The following ERCC6 variants were observed in gnomAD, a reference collection of about 807,000 sequenced individuals.
ERCC6 encodes the protein ERCC excision repair 6, chromatin remodeling factor, also known as DNA excision repair protein ERCC-6.
ERCC6 carries 116 observed loss-of-function variants against 158.7 expected under a neutral mutation model. That is an observed-to-expected ratio of 0.73 (90% confidence interval 0.63 to 0.85). ERCC6 has a LOEUF of 0.85. Among genes scored for constraint, ERCC6 ranks in the 40% least tolerant of loss-of-function variants. The pLI, the probability that ERCC6 is intolerant of heterozygous loss-of-function variation, is 0.00. For synonymous variants in ERCC6, 678 were observed against 659.3 expected (o/e 1.03, Z -0.43); for missense variants, 1,698 against 1,799.4 (o/e 0.94, Z 1.02).
At chr10:49,533,809 T>C (rs2132641590) in intron 1 of ERCC6, among the ~76,000 whole-genome samples, 1 of 151,850 alleles carries the variant, frequency 6.6e-6, no homozygotes, top group Admixed American at 6.6e-5. Context: ...TAAAATAAAT[T>C]TAAAGTTTTT....
At chr10:49,517,828 G>C (rs1196873309) in intron 5 of ERCC6, among the ~76,000 whole-genome samples, 2 of 152,106 alleles carry the variant, frequency 1.3e-5, no homozygotes, top group African/African-American at 4.8e-5. Flanking sequence ...ACAGGTATGA[G>C]CCATTGTGCC....
At chr10:49,462,694 A>C (rs1850604474) in intron 18 of ERCC6, among the ~76,000 whole-genome samples, 1 of 152,178 alleles carries the variant, frequency 6.6e-6, no homozygotes, top group Admixed American at 6.5e-5. Context: ...CACAGAAAGA[A>C]AAATTTTTTA....
rs1001638584 is a variant in ERCC6 at position 49,470,576 on chromosome 10, T to C, written c.3384A>G (p.Glu1128=). ...EELSVISGNG[E]CSNSSGTGKT... ...TGCCTGTTCCTGAAGAATTTGAACA[T>C]TCCCCATTTCCACTAATCACTGACA... Residue 1128 remains glutamate, a synonymous_variant, in exon 18 of 21, where the codon GAA becomes GAG. Transcript: ENST00000355832. 1.2e-6 allele frequency: 2 copies of C among 1,614,018 alleles called. No homozygotes were observed. The highest frequency in any genetic ancestry group is 2.2e-5 in the East Asian group (1 of 44,894).
intron 5 of ERCC6, chr10:49,506,608 T>A (rs1459592829): frequency 1.3e-5 from 2 of 152,380 alleles, no homozygotes; most frequent in African/African-American, 4.8e-5. Flanking sequence ...GTTCACTGAA[T>A]AAAATCTAAG....
intron 5 of ERCC6, chr10:49,517,105 T>G: frequency 6.3e-7 from 1 of 1,593,072 alleles, no homozygotes; most frequent in East Asian, 2.3e-5. Context: ...AAACTTAGTG[T>G]TCGAGGCATC....
the ERCC6 span, among the ~76,000 whole-genome samples, chr10:49,441,449 G>A: frequency 1.2e-4 from 18 of 152,314 alleles, no homozygotes; most frequent in East Asian, 3.5e-3. Context: ...ATTCTAAAAT[G>A]CGATTGTTGT....
chr10:49,515,902 C>T, intron 5 of ERCC6: 1 of 1,614,138 alleles, frequency 6.2e-7, no homozygotes, highest in Non-Finnish European at 8.5e-7. Flanking sequence ...TTGCCTTTGC[C>T]ATCAATTCGA....
chr10:49,529,928 T>C (rs1837429859), intron 3 of ERCC6, among the ~76,000 whole-genome samples: 1 of 151,900 alleles, frequency 6.6e-6, no homozygotes, highest in South Asian at 2.1e-4. Flanking sequence ...GTAACAAATA[T>C]TCCCTACCCT....
chr10:49,528,589 A>C, intron 3 of ERCC6, 64 bp from the exon 4 acceptor site: 2 of 1,578,620 alleles, frequency 1.3e-6, no homozygotes, highest in Admixed American at 3.5e-5. Flanking sequence ...AATACAAAAG[A>C]TAGCATTATG....
At chr10:49,448,670 C>A in the ERCC6 span, among the ~76,000 whole-genome samples, 2 of 152,210 alleles carry the variant, frequency 1.3e-5, no homozygotes, top group Non-Finnish European at 2.9e-5. Context: ...CAACCACTAA[C>A]CTACTTCCTG....
In ERCC6 at chr10:49,482,781, A is replaced by G; in HGVS notation, c.2075T>C (p.Ile692Thr). ...CAACGTGCCTAACTTTCCCGGGAAG[A>G]TGAAGTCAAAGAGCGACCACAGCTC... ...LRELWSLFDFIFPGKLGTLPV... is the reference protein window; with the variant it reads ...LRELWSLFDFTFPGKLGTLPV... Residue 692 changes from isoleucine (I) to threonine (T), a missense_variant, in exon 10 of 21, where the codon ATC (isoleucine) becomes ACC (threonine). Ile to Thr is a moderately conservative substitution (Grantham distance 89). Coordinates refer to ENST00000355832, the MANE Select transcript of ERCC6 (RefSeq NM_000124.4). 6.2e-7 allele frequency: 1 copy of G among 1,613,676 alleles called. No homozygotes were observed. Among genetic ancestry groups the G allele is most frequent in the Non-Finnish European group, 8.5e-7 (1 of 1,179,940 alleles).
In ERCC6 at chr10:49,473,536, T is replaced by C. The variant is rs756622786; in HGVS notation, c.2650A>G (p.Lys884Glu). ...GCTATTGTAGTGGTACCATCCATCT[T>C]GAGATAGGTATACTTTTGGGCTCTA... ...FLRAQKYTYLKMDGTTTIASR... is the reference protein window; with the variant it reads ...FLRAQKYTYLEMDGTTTIASR... The change falls in exon 14 of 21, where the codon AAG becomes GAG. Residue 884 changes from lysine to glutamate, a missense_variant. By Grantham distance (56) the Lys-to-Glu change is moderately conservative. Coordinates refer to ENST00000355832, the MANE Select transcript of ERCC6 (RefSeq NM_000124.4). 1 of 1,610,586 alleles carries C rather than the reference T, an allele frequency of 6.2e-7. No homozygotes were observed. The highest frequency in any genetic ancestry group is 2.2e-5 in the East Asian group (1 of 44,764).
rs1453254975 is a variant in ERCC6 at position 49,488,635 on chromosome 10, CCTCT to C, written c.1821+4478_1821+4481del. Among the ~76,000 whole-genome samples, 4 of 147,394 alleles carry C rather than the reference CCTCT, an allele frequency of 2.7e-5. No individual in the cohort carries two copies. In the East Asian group the frequency reaches 5.8e-4, roughly 21 times the overall value. On this transcript the variant is annotated intron_variant, in intron 8 of 20. Coordinates refer to ENST00000355832, the MANE Select transcript of ERCC6 (RefSeq NM_000124.4). Reference sequence around the variant, plus strand: ...TTCAGATGCTTAAGGAATAATGTGGCCTCTTTCTTTTTTTTTTTTTTTTAAAGTT... The same window carrying C: ...TTCAGATGCTTAAGGAATAATGTGGCTTCTTTTTTTTTTTTTTTTAAAGTT...
rs191668529 is a variant in ERCC6 at position 49,521,280 on chromosome 10, G to A, written c.1397+2753C>T. Among the ~76,000 whole-genome samples the A allele has an allele frequency of 6.6e-5, 10 of 152,310 alleles. No homozygotes were observed. The East Asian group carries it at 1.5e-3, about 24-fold the overall frequency. ...ATCTTTATCACCCTGAAGGGGAAAG[G>A]TTCACATGAAATGTTTGGTCTTCTG... On this transcript the variant is annotated intron_variant, in intron 5 of 20. Transcript: ENST00000355832.
At chr10:49,465,529 G>T (rs1175299170) in intron 18 of ERCC6, among the ~76,000 whole-genome samples, 1 of 152,120 alleles carries the variant, frequency 6.6e-6, no homozygotes, top group Non-Finnish European at 1.5e-5. Flanking sequence ...AGGGGCCAGA[G>T]GTGGAAAGAT....
chr10:49,500,775 A>T, intron 6 of ERCC6, 79 bp from the exon 7 acceptor site: 1 of 1,495,552 alleles, frequency 6.7e-7, no homozygotes, highest in South Asian at 1.1e-5. Context: ...AGTACTCATG[A>T]ATTAATCATT....
intron 5 of ERCC6, among the ~76,000 whole-genome samples, chr10:49,511,183 C>A (rs149113739): frequency 6.6e-6 from 1 of 152,250 alleles, no homozygotes; most frequent in East Asian, 1.9e-4. Flanking sequence ...TGGAAAGAAC[C>A]AGGAGCCCTG....
chr10:49,537,083 T>C (rs1837614473), intron 1 of ERCC6, among the ~76,000 whole-genome samples: 1 of 152,120 alleles, frequency 6.6e-6, no homozygotes, highest in African/African-American at 2.4e-5. Context: ...CGGTGGCTCA[T>C]GCCTGTAATC....
At chr10:49,461,861 T>C (rs1850589596) in intron 18 of ERCC6, among the ~76,000 whole-genome samples, 1 of 152,148 alleles carries the variant, frequency 6.6e-6, no homozygotes, top group African/African-American at 2.4e-5. Flanking sequence ...CCAAGCAATG[T>C]GTAAAGCCTA....
Sources: gnomAD v4.1 joint callset for allele counts (sites outside exome capture counted in the v4.1 genomes callset) on GRCh38, gnomAD v4.1.1 for gene constraint, MANE v1.5 for transcripts, NCBI Gene and HGNC (gene_info 2026-07-23, HGNC 2026-07-21) for gene names.